FAM163A: variants seen among roughly 807,000 people sequenced by gnomAD.
FAM163A encodes the protein protein FAM163A.
In FAM163A, 7 loss-of-function variants were observed where a neutral mutation model predicts 12.0. The ratio of observed to expected loss-of-function variants is 0.58; its 90% CI spans 0.33 to 1.10. FAM163A has a LOEUF of 1.10. Ranked by LOEUF, FAM163A falls within the 50% of genes least tolerant of loss-of-function variation. FAM163A has a pLI of 0.03. For missense variants in FAM163A, 202 were observed against 218.6 expected, an observed-to-expected ratio of 0.92 and a Z score of 0.48; for synonymous variants, 101 against 91.0, an observed-to-expected ratio of 1.11 and a Z score of -0.62.
intron 1 of FAM163A, among the ~76,000 whole-genome samples, chr1:179,747,281 C>A (rs180956385): frequency 2.0e-5 from 3 of 152,302 alleles, no homozygotes; most frequent in Non-Finnish European, 4.4e-5. Context: ...GTCCTACATG[C>A]CCCTTTGAGC....
chr1:179,728,795 T>C, the FAM163A span, among the ~76,000 whole-genome samples: 1 of 152,206 alleles, frequency 6.6e-6, no homozygotes, highest in Non-Finnish European at 1.5e-5. Context: ...CAAGGTAAAC[T>C]AGCGGAAGGC....
Position 179,776,573 on chromosome 1 carries a change from T to C in FAM163A, c.-135-31225T>C, listed in dbSNP as rs572529121. On this transcript the variant is annotated intron_variant, in intron 1 of 4. Coordinates refer to ENST00000341785, the MANE Select transcript of FAM163A (RefSeq NM_173509.3). Reference sequence around the variant, plus strand: ...TTATGGCCACTTATCCCCTCAGCCCTGCCTGATAAGGAGGTAAGTGTGTGT... The same window carrying C: ...TTATGGCCACTTATCCCCTCAGCCCCGCCTGATAAGGAGGTAAGTGTGTGT... 7.2e-5 allele frequency among the ~76,000 whole-genome samples: 11 copies of C among 151,996 alleles called. No individual in the cohort carries two copies. In the South Asian group the frequency reaches 2.3e-3, roughly 32 times the overall value.
chr1:179,803,399 C>G lies in FAM163A; in HGVS notation c.-135-4399C>G, dbSNP rs1454014092. Among the ~76,000 whole-genome samples, 3 of 152,202 alleles carry G rather than the reference C, an allele frequency of 2.0e-5. 1 individual carries two copies. In the East Asian group the frequency reaches 5.8e-4, roughly 29 times the overall value. ...ATCCAGGCAGTGAGGCGAGGTGACC[C>G]TGTTTCAGTGAGGCTGAAGTCACTG... On this transcript the variant is annotated intron_variant, in intron 1 of 4. Coordinates refer to ENST00000341785, the MANE Select transcript of FAM163A (RefSeq NM_173509.3).
At chr1:179,736,184 C>A in the FAM163A span, among the ~76,000 whole-genome samples, 3 of 152,170 alleles carry the variant, frequency 2.0e-5, no homozygotes, top group Admixed American at 2.0e-4. Flanking sequence ...ACAAGTAGGA[C>A]TACATTAAAC....
chr1:179,781,789 C>A (rs1452459200), intron 1 of FAM163A, among the ~76,000 whole-genome samples: 1 of 152,034 alleles, frequency 6.6e-6, no homozygotes, highest in Non-Finnish European at 1.5e-5. Flanking sequence ...CAAAAATTAG[C>A]TGGGCATGGT....
intron 1 of FAM163A, among the ~76,000 whole-genome samples, chr1:179,747,356 C>T (rs2504042): frequency 0.62 from 93,527 of 151,976 alleles, 29,547 homozygotes; most frequent in African/African-American, 0.76. Flanking sequence ...TTTTGCTGAT[C>T]CCTCAGCCTG....
intron 1 of FAM163A, among the ~76,000 whole-genome samples, chr1:179,806,683 AC>A (rs1464840373): frequency 6.6e-6 from 1 of 152,142 alleles, no homozygotes; most frequent in Non-Finnish European, 1.5e-5. Flanking sequence ...AACATCCCCC[AC>A]CCAGGGGGGG....
chr1:179,798,284 A>G (rs962644987), intron 1 of FAM163A, among the ~76,000 whole-genome samples: 1 of 151,916 alleles, frequency 6.6e-6, no homozygotes, highest in Non-Finnish European at 1.5e-5. Context: ...TCTCTAAGTG[A>G]GGGTGGAAGT....
intron 1 of FAM163A, among the ~76,000 whole-genome samples, chr1:179,781,933 C>CAAAAA (rs58962319): frequency 5.9e-5 from 7 of 119,342 alleles, no homozygotes; most frequent in Middle Eastern, 4.4e-3. Flanking sequence ...GAATCCGTAT[C>CAAAAA]AAAAAAAAAA....
At chr1:179,779,141 G>T (rs566746886) in intron 1 of FAM163A, among the ~76,000 whole-genome samples, 1 of 152,310 alleles carries the variant, frequency 6.6e-6, no homozygotes, top group South Asian at 2.1e-4. Flanking sequence ...TGGGTGTTAA[G>T]AATCTGGGTA....
intron 1 of FAM163A, among the ~76,000 whole-genome samples, chr1:179,790,102 C>A: frequency 6.6e-6 from 1 of 152,054 alleles, no homozygotes; most frequent in Non-Finnish European, 1.5e-5. Context: ...GACCCTCAAC[C>A]CAGATGGTAG....
In FAM163A at chr1:179,813,874, T is replaced by G. The variant is rs781670853; in HGVS notation, c.189T>G (p.Asn63Lys). The change falls in exon 5 of 5, where the codon AAT becomes AAG. Residue 63 changes from asparagine (N) to lysine (K), a missense_variant. By Grantham distance (94) the Asn-to-Lys change is moderately conservative. Coordinates refer to ENST00000341785, the MANE Select transcript of FAM163A (RefSeq NM_173509.3). ...CGCATCCCAGAGGCCCCACCTGCAA[T>G]GCCTGCAGCTCCCAAGCCCTGGACG... Reference protein sequence around the residue: ...LPTHPRGPTCNACSSQALDGR... With the variant: ...LPTHPRGPTCKACSSQALDGR... 6.8e-6 allele frequency: 11 copies of G among 1,613,942 alleles called. No homozygotes were observed. Among genetic ancestry groups the G allele is most frequent in the Middle Eastern group, 1.6e-4 (1 of 6,062 alleles).
At chr1:179,739,448 A>G (rs950667956), upstream of FAM163A, among the ~76,000 whole-genome samples, 1 of 152,268 alleles carries the variant, frequency 6.6e-6, no homozygotes, top group Non-Finnish European at 1.5e-5. Context: ...CTCATGGCCC[A>G]CTGGCCACAA....
At chr1:179,775,270 T>G (rs1022726109) in intron 1 of FAM163A, among the ~76,000 whole-genome samples, 1 of 152,140 alleles carries the variant, frequency 6.6e-6, no homozygotes, top group Non-Finnish European at 1.5e-5. Context: ...AAACATCCAA[T>G]TGGTTGCAAA....
At chr1:179,796,323 GA>G (rs1029694647) in intron 1 of FAM163A, among the ~76,000 whole-genome samples, 2 of 150,196 alleles carry the variant, frequency 1.3e-5, no homozygotes, top group East Asian at 1.9e-4. Flanking sequence ...ACTCACAAAA[GA>G]AAAAAAAAGT....
Position 179,768,610 on chromosome 1 carries a change from AT to A in FAM163A, c.-136+25201del, listed in dbSNP as rs567089668. 5.6e-3 allele frequency among the ~76,000 whole-genome samples: 804 copies of A among 144,452 alleles called. 8 individuals are homozygous for A. The highest frequency in any genetic ancestry group is 0.014 in the African/African-American group (547 of 39,680). The allele number at this position is 144,452 out of a possible 152,430, so 94.8% of individuals were successfully genotyped here. On this transcript the variant is annotated intron_variant, in intron 1 of 4. Coordinates refer to ENST00000341785, the MANE Select transcript of FAM163A (RefSeq NM_173509.3). The stretch of plus-strand genomic sequence containing the variant: ...AGTGTCTTATGTATATGGACACTGG[AT>A]TTTTTTTTTTTTTGAGGCGGAGTCT...
intron 1 of FAM163A, among the ~76,000 whole-genome samples, chr1:179,746,609 TA>T (rs1684499370): frequency 6.6e-6 from 1 of 152,208 alleles, no homozygotes; most frequent in Non-Finnish European, 1.5e-5. Flanking sequence ...TCATACCTGT[TA>T]CCTCCAGGAA....
chr1:179,786,912 G>C (rs1358244465), intron 1 of FAM163A, among the ~76,000 whole-genome samples: 1 of 152,142 alleles, frequency 6.6e-6, no homozygotes, highest in African/African-American at 2.4e-5. Context: ...TGAGCTGGCT[G>C]ACAAAGCAGG....
chr1:179,793,878 G>A (rs1159236664), intron 1 of FAM163A, among the ~76,000 whole-genome samples: 1 of 152,204 alleles, frequency 6.6e-6, no homozygotes, highest in Non-Finnish European at 1.5e-5. Flanking sequence ...AGGGCTCTCT[G>A]ACTTACAGGT....
Sources: allele counts gnomAD v4.1 joint callset (sites outside exome capture counted in the v4.1 genomes callset), GRCh38; gene constraint gnomAD v4.1.1; transcripts MANE v1.5; gene names NCBI Gene and HGNC (gene_info 2026-07-23, HGNC 2026-07-21).